The following FAM162B variants were observed in gnomAD, a reference collection of about 807,000 sequenced individuals.
The protein encoded by FAM162B is protein FAM162B.
Under a neutral mutation model 20.0 loss-of-function variants are expected in FAM162B, and 16 were observed. The ratio of observed to expected loss-of-function variants is 0.80; its 90% CI spans 0.54 to 1.21. The LOEUF is 1.21. Ranked by LOEUF, FAM162B falls within the 50% of genes most tolerant of loss-of-function variation. The probability of loss-of-function intolerance (pLI) is 0.00; values close to 1 mark genes in which losing one functional copy is unlikely to be tolerated. For synonymous variants in FAM162B, 83 were observed against 89.7 expected (o/e 0.93, Z 0.42); for missense variants, 260 against 227.5 (o/e 1.14, Z -0.92).
chr6:116,762,565 C>T (rs1771813220), intron 2 of FAM162B, among the ~76,000 whole-genome samples: 1 of 151,926 alleles, frequency 6.6e-6, no homozygotes, highest in African/African-American at 2.4e-5. Flanking sequence ...TCACATGCTA[C>T]CCCCAAAAGA....
At chr6:116,759,347 G>A (rs563128354) in intron 3 of FAM162B, among the ~76,000 whole-genome samples, 1 of 149,070 alleles carries the variant, frequency 6.7e-6, no homozygotes, top group Non-Finnish European at 1.5e-5. Context: ...TGTCGCCCAG[G>A]CTGGAGTGCA....
chr6:116,764,700 C>T (rs1771873237), intron 2 of FAM162B, among the ~76,000 whole-genome samples: 1 of 152,166 alleles, frequency 6.6e-6, no homozygotes, highest in Non-Finnish European at 1.5e-5. Flanking sequence ...CCCCCCGCCA[C>T]AGCCGCCCCG....
At chr6:116,760,114 A>G (rs1176601771) in intron 3 of FAM162B, among the ~76,000 whole-genome samples, 2 of 152,210 alleles carry the variant, frequency 1.3e-5, no homozygotes, top group Non-Finnish European at 2.9e-5. Context: ...TAATAACTAC[A>G]TGCAGAGTGC....
chr6:116,758,764 C>T (rs1780082316), intron 3 of FAM162B, among the ~76,000 whole-genome samples: 1 of 151,986 alleles, frequency 6.6e-6, no homozygotes, highest in African/African-American at 2.4e-5. Context: ...TTGGAATGTC[C>T]CAATATCATT....
chr6:116,765,035 G>T, intron 2 of FAM162B, 112 bp downstream of exon 2: 1 of 917,320 alleles, frequency 1.1e-6, no homozygotes, highest in Non-Finnish European at 1.8e-6. Context: ...ATTGCGAAGT[G>T]TTGGCACTGC....
chr6:116,760,333 T>C (rs1234264989), intron 3 of FAM162B, among the ~76,000 whole-genome samples: 1 of 152,198 alleles, frequency 6.6e-6, no homozygotes, highest in Non-Finnish European at 1.5e-5. Flanking sequence ...AATATGGAAT[T>C]TTAACAGGAA....
chr6:116,758,282 G>A (rs947060330), intron 3 of FAM162B, among the ~76,000 whole-genome samples: 1 of 152,210 alleles, frequency 6.6e-6, no homozygotes, highest in Non-Finnish European at 1.5e-5. Flanking sequence ...CATCAATGGG[G>A]AGGACTGTGG....
chr6:116,759,887 G>C (rs563002962), intron 3 of FAM162B, among the ~76,000 whole-genome samples: 1 of 151,778 alleles, frequency 6.6e-6, no homozygotes, highest in African/African-American at 2.4e-5. Flanking sequence ...TCCTTCCCCC[G>C]GTCTTCTCAT....
rs1441956798 is a variant in FAM162B, at chr6:116,765,224, C to T, written c.204G>A (p.Arg68=). 2 of 1,613,794 alleles carry T rather than the reference C, an allele frequency of 1.2e-6. No individual in the cohort carries two copies. Among genetic ancestry groups the T allele is most frequent in the Non-Finnish European group, 1.7e-6 (2 of 1,179,968 alleles). The change falls in exon 2 of 4, where the codon AGG becomes AGA. Residue 68 remains arginine, a synonymous_variant. Coordinates refer to ENST00000368557, the MANE Select transcript of FAM162B (RefSeq NM_001085480.3). ...GGATTTTCTTGTCGAACTGCGAAGG[C>T]CTGCGCTGCGTGGGGACTCGGTGAA... The part of the protein sequence containing the change: ...GEIHRVPTQR[R]PSQFDKKILL...
chr6:116,754,090 C>A (rs1583463398), intron 3 of FAM162B, among the ~76,000 whole-genome samples: 1 of 152,136 alleles, frequency 6.6e-6, no homozygotes, highest in South Asian at 2.1e-4. Context: ...TTCATATATC[C>A]ATTTATAACT....
chr6:116,752,755 T>TATATATATATATATAC lies in FAM162B; in HGVS notation c.391-61_391-60insGTATATATATATATAT, dbSNP rs71012341. On this transcript the variant is annotated intron_variant, in intron 3 of 3. Transcript: ENST00000368557. ...ATATAGATACACGTATATATATATA[T>TATATATATATATATAC]ATACATATATGTATATATATCTCAC... The TATATATATATATATAC allele has an allele frequency of 1.3e-4, 56 of 432,950 alleles. No individual in the cohort carries two copies. The African/African-American group carries it at 1.4e-3, about 10-fold the overall frequency. 26.8% of individuals were successfully genotyped at this position (432,950 alleles called of 1,614,324 possible).
intron 3 of FAM162B, among the ~76,000 whole-genome samples, chr6:116,759,292 T>C (rs921770079): frequency 3.4e-5 from 5 of 146,758 alleles, no homozygotes; most frequent in Non-Finnish European, 7.4e-5. Flanking sequence ...ATTTCTAATC[T>C]TTCTTTCTTT....
At chr6:116,760,197 T>A (rs1009402216) in intron 3 of FAM162B, among the ~76,000 whole-genome samples, 4 of 152,224 alleles carry the variant, frequency 2.6e-5, no homozygotes, top group African/African-American at 4.8e-5. Flanking sequence ...ATCACACTTT[T>A]GGAGAAGAGG....
In FAM162B at chr6:116,765,504, G is replaced by A; in HGVS notation, c.73C>T (p.Leu25Phe). 7.1e-7 allele frequency: 1 copy of A among 1,402,372 alleles called. No homozygotes were observed. The highest frequency in any genetic ancestry group is 1.5e-5 in the African/African-American group (1 of 66,160). The allele number at this position is 1,402,372 out of a possible 1,614,324, so 86.9% of individuals were successfully genotyped here. Residue 25 changes from leucine to phenylalanine, a missense_variant, in exon 1 of 4, where the codon CTC becomes TTC. Transcript: ENST00000368557. ...GGTGCGGGCCGTCGCGTGGCCTCGA[G>A]AGGCGCCCCGGGGCCGCAGCGGACT... ...LTVRCGPGAP[L>F]EATRRPAPAL...
chr6:116,762,749 T>A (rs1351627011), intron 2 of FAM162B, among the ~76,000 whole-genome samples: 1 of 152,192 alleles, frequency 6.6e-6, no homozygotes, highest in African/African-American at 2.4e-5. Flanking sequence ...ACTTAAATTC[T>A]AAATATTCAT....
In FAM162B at chr6:116,761,991, C is replaced by G. The variant is rs768863423; in HGVS notation, c.376G>C (p.Val126Leu). Residue 126 changes from valine (V) to leucine (L), a missense_variant, in exon 3 of 4, where the codon GTG becomes CTG. By Grantham distance (32) the Val-to-Leu change is conservative. Coordinates refer to ENST00000368557, the MANE Select transcript of FAM162B (RefSeq NM_001085480.3). ...GAGATACTCACCCTTTTGGCTGACA[C>G]TATCACAGCAAAGCAGGCGATAATT... ...LTIIACFAVIVSAKRAVERHE... is the reference protein window; with the variant it reads ...LTIIACFAVILSAKRAVERHE... 1.4e-5 allele frequency: 22 copies of G among 1,597,764 alleles called. No individual in the cohort carries two copies. The highest frequency in any genetic ancestry group is 6.7e-5 in the Admixed American group (4 of 59,592).
At chr6:116,756,480 T>A (rs1320433553) in intron 3 of FAM162B, among the ~76,000 whole-genome samples, 1 of 152,222 alleles carries the variant, frequency 6.6e-6, no homozygotes, top group Non-Finnish European at 1.5e-5. Context: ...GAAGATGTTG[T>A]GAACATTGGT....
In FAM162B at chr6:116,765,699, A is replaced by C; in HGVS notation, c.-123T>G. 9.0e-7 allele frequency: 1 copy of C among 1,112,142 alleles called. No individual in the cohort carries two copies. The highest frequency in any genetic ancestry group is 1.1e-6 in the Non-Finnish European group (1 of 879,818). The allele number at this position is 1,112,142 out of a possible 1,614,324, so 68.9% of individuals were successfully genotyped here. A position where few individuals can be genotyped will look rare whatever the true frequency, so the allele number is the denominator to read the frequency against. ...GGAGAGCCTGGGACGTGCAGCTGGA[A>C]CCCCTGGCGCTCGCACACTCAGCTC... On this transcript the variant is annotated 5_prime_UTR_variant, in exon 1 of 4. Coordinates refer to ENST00000368557, the MANE Select transcript of FAM162B (RefSeq NM_001085480.3).
intron 3 of FAM162B, among the ~76,000 whole-genome samples, chr6:116,755,717 A>C (rs1234965463): frequency 1.3e-5 from 2 of 152,134 alleles, no homozygotes; most frequent in Non-Finnish European, 2.9e-5. Flanking sequence ...TCTTGTTAGG[A>C]GCTATTGGCA....
Sources: gnomAD v4.1 joint callset for allele counts (sites outside exome capture counted in the v4.1 genomes callset) on GRCh38, gnomAD v4.1.1 for gene constraint, MANE v1.5 for transcripts, NCBI Gene and HGNC (gene_info 2026-07-23, HGNC 2026-07-21) for gene names.